Variants in ADCY2 observed in about 807,000 individuals in gnomAD.
The protein encoded by ADCY2 is adenylate cyclase 2.
In ADCY2, 31 loss-of-function variants were observed where a neutral mutation model predicts 125.2. That is an observed-to-expected ratio of 0.25 (90% CI 0.19 to 0.33). The LOEUF (loss-of-function observed/expected upper bound fraction) is 0.33. Ranked by LOEUF, ADCY2 falls within the 10% of genes least tolerant of loss-of-function variation. The pLI, the probability that ADCY2 is intolerant of heterozygous loss-of-function variation, is 1.00. For synonymous variants in ADCY2, 512 were observed against 548.4 expected (o/e 0.93, Z 0.93); for missense variants, 904 against 1,418.2 (o/e 0.64, Z 5.82).
At chr5:7,766,864 A>G in intron 17 of ADCY2, 58 bp downstream of exon 17, 1 of 1,566,408 alleles carries the variant, frequency 6.4e-7, no homozygotes, top group Non-Finnish European at 8.6e-7. Context: ...CGTAGTCTGT[A>G]TAACATATAT....
At chr5:7,478,666 A>G (rs1397739905) in intron 2 of ADCY2, among the ~76,000 whole-genome samples, 5 of 152,170 alleles carry the variant, frequency 3.3e-5, no homozygotes, top group Non-Finnish European at 7.4e-5. Flanking sequence ...GGATTACTAA[A>G]CTCAACACAC....
At chr5:7,620,374 T>C (rs1737916377) in intron 3 of ADCY2, among the ~76,000 whole-genome samples, 1 of 152,190 alleles carries the variant, frequency 6.6e-6, no homozygotes, top group Non-Finnish European at 1.5e-5. Flanking sequence ...TTGAGATTGT[T>C]GGTGTTTCAG....
At chr5:7,727,937 A>G (rs952757207) in intron 14 of ADCY2, among the ~76,000 whole-genome samples, 10 of 152,118 alleles carry the variant, frequency 6.6e-5, no homozygotes, top group East Asian at 1.9e-4. Flanking sequence ...TTCAAGACCA[A>G]TCAGGTGACT....
intron 4 of ADCY2, among the ~76,000 whole-genome samples, chr5:7,672,081 T>C (rs528605224): frequency 1.3e-5 from 2 of 152,286 alleles, no homozygotes; most frequent in South Asian, 2.1e-4. Flanking sequence ...CATAAGCCCA[T>C]ATACTATCAG....
chr5:7,414,897 C>T (rs904651004), intron 2 of ADCY2, 127 bp downstream of exon 2: 17 of 703,382 alleles, frequency 2.4e-5, no homozygotes, highest in Middle Eastern at 3.8e-4. Context: ...CTATTTTTTT[C>T]GATTTATATT....
At chr5:7,408,529 G>A (rs1202180618) in intron 1 of ADCY2, among the ~76,000 whole-genome samples, 1 of 151,586 alleles carries the variant, frequency 6.6e-6, no homozygotes, top group Non-Finnish European at 1.5e-5. Flanking sequence ...CACCATGCCT[G>A]GCTAATTTTT....
chr5:7,693,415 T>G (rs5025061), intron 5 of ADCY2, among the ~76,000 whole-genome samples: 55,975 of 114,400 alleles, frequency 0.49, 12,401 homozygotes, highest in East Asian at 0.76. Flanking sequence ...TGTTTTTTGT[T>G]TTTTTTTTTT....
chr5:7,773,392 T>C (rs1463559396), intron 18 of ADCY2, among the ~76,000 whole-genome samples: 1 of 152,202 alleles, frequency 6.6e-6, no homozygotes, highest in African/African-American at 2.4e-5. Flanking sequence ...ACCTCAGCAC[T>C]ATTGACATTT....
chr5:7,769,718 A>T (rs1376536372), intron 17 of ADCY2, among the ~76,000 whole-genome samples: 2 of 152,140 alleles, frequency 1.3e-5, no homozygotes, highest in African/African-American at 4.8e-5. Context: ...TTCATCCAAA[A>T]ATGACCCTGG....
rs60426818 is a variant in ADCY2, at chr5:7,722,960, C to CA, written c.1704-1559dup. On this transcript the variant is annotated intron_variant, in intron 12 of 24. Coordinates refer to ENST00000338316, the MANE Select transcript of ADCY2 (RefSeq NM_020546.3). ...GGGCAACAAGAGCGAAACTCCATCT[C>CA]AAAAAAAAAAAAAAAAAAAAAAAAA... Among the ~76,000 whole-genome samples the CA allele has an allele frequency of 7.3e-3, 376 of 51,638 alleles. 31 individuals carry two copies. The highest frequency in any genetic ancestry group is 0.058 in the East Asian group (30 of 516). The allele number at this position is 51,638 out of a possible 152,430, so 33.9% of individuals were successfully genotyped here.
chr5:7,467,491 A>C (rs1742169325), intron 2 of ADCY2, among the ~76,000 whole-genome samples: 2 of 152,176 alleles, frequency 1.3e-5, no homozygotes, highest in African/African-American at 4.8e-5. Context: ...GCATACATGC[A>C]ACTTGTGCTA....
intron 13 of ADCY2, among the ~76,000 whole-genome samples, chr5:7,726,922 A>G (rs1741950206): frequency 6.6e-6 from 1 of 152,092 alleles, no homozygotes; most frequent in African/African-American, 2.4e-5. Context: ...TTACTTATAG[A>G]TGGGTTTGAG....
chr5:7,436,299 A>G (rs1380821250), intron 2 of ADCY2, among the ~76,000 whole-genome samples: 1 of 152,206 alleles, frequency 6.6e-6, no homozygotes, highest in Non-Finnish European at 1.5e-5. Flanking sequence ...AAAAGAATTG[A>G]CCATACCTTA....
At chr5:7,635,189 G>C (rs1301913790) in intron 4 of ADCY2, among the ~76,000 whole-genome samples, 2 of 152,110 alleles carry the variant, frequency 1.3e-5, no homozygotes, top group Non-Finnish European at 1.5e-5. Context: ...GTCACTGAAG[G>C]GTTTTGAGTA....
At chr5:7,523,206 G>A (rs1463326600) in intron 3 of ADCY2, among the ~76,000 whole-genome samples, 2 of 151,766 alleles carry the variant, frequency 1.3e-5, no homozygotes, top group Non-Finnish European at 2.9e-5. Flanking sequence ...AAACAAAAAA[G>A]GGAAAAGGAA....
chr5:7,569,133 C>T (rs1415414410), intron 3 of ADCY2, among the ~76,000 whole-genome samples: 1 of 152,126 alleles, frequency 6.6e-6, no homozygotes, highest in Non-Finnish European at 1.5e-5. Flanking sequence ...AATGAGCAAC[C>T]CAGTTCAGTG....
At chr5:7,720,167 T>C (rs1203053643) in intron 12 of ADCY2, among the ~76,000 whole-genome samples, 1 of 152,072 alleles carries the variant, frequency 6.6e-6, no homozygotes, top group Non-Finnish European at 1.5e-5. Context: ...CTCTCCCTTC[T>C]CTCCTCTTCT....
chr5:7,507,328 C>T (rs185191697), intron 2 of ADCY2, among the ~76,000 whole-genome samples: 2,450 of 136,340 alleles, frequency 0.018, 130 homozygotes, highest in African/African-American at 0.067. Flanking sequence ...GTAGTCCCAG[C>T]TACTTGGGAG....
chr5:7,406,788 A>G (rs776965900), intron 1 of ADCY2, among the ~76,000 whole-genome samples: 4 of 152,080 alleles, frequency 2.6e-5, no homozygotes, highest in Non-Finnish European at 5.9e-5. Context: ...GAGGAACACA[A>G]ATCTCTCAAA....
Sources: allele counts gnomAD v4.1 joint callset (sites outside exome capture counted in the v4.1 genomes callset), GRCh38; gene constraint gnomAD v4.1.1; transcripts MANE v1.5; gene names NCBI Gene and HGNC (gene_info 2026-07-23, HGNC 2026-07-21).